Variants in TRAPPC9 observed in about 807,000 individuals in gnomAD.
TRAPPC9 encodes the protein IKK2 binding protein.
In TRAPPC9, 83 loss-of-function variants were observed where a neutral mutation model predicts 124.0. The ratio of observed to expected loss-of-function variants is 0.67; its 90% CI spans 0.56 to 0.80. TRAPPC9 has a LOEUF of 0.80. Ranked by LOEUF, TRAPPC9 falls within the 30% of genes least tolerant of loss-of-function variation. The probability of loss-of-function intolerance (pLI) is 0.00; values close to 1 mark genes in which losing one functional copy is unlikely to be tolerated. For missense variants in TRAPPC9, 1,302 were observed against 1,508.3 expected (o/e 0.86, Z 2.27); for synonymous variants, 638 against 617.5 (o/e 1.03, Z -0.49).
intron 17 of TRAPPC9, among the ~76,000 whole-genome samples, chr8:140,088,962 T>C (rs1844389364): frequency 6.6e-6 from 1 of 152,214 alleles, no homozygotes; most frequent in Non-Finnish European, 1.5e-5. Flanking sequence ...TTCTCTAACA[T>C]TAATAACGTC....
chr8:139,924,708 C>T (rs1212582503), intron 19 of TRAPPC9, among the ~76,000 whole-genome samples: 4 of 152,252 alleles, frequency 2.6e-5, no homozygotes, highest in Non-Finnish European at 5.9e-5. Context: ...ACCCATCAGT[C>T]TGTGCTCACA....
intron 21 of TRAPPC9, among the ~76,000 whole-genome samples, chr8:139,855,113 C>A (rs1288726658): frequency 6.6e-6 from 1 of 152,184 alleles, no homozygotes; most frequent in East Asian, 1.9e-4. Context: ...TCCCTGGAAG[C>A]CAATCGGGCC....
At chr8:140,375,246 C>T (rs918724073) in intron 7 of TRAPPC9, among the ~76,000 whole-genome samples, 6 of 152,312 alleles carry the variant, frequency 3.9e-5, no homozygotes, top group Admixed American at 3.9e-4. Context: ...TTAATCAGCA[C>T]ATCTTTGTTC....
At chr8:140,334,277 T>A (rs74870034) in intron 9 of TRAPPC9, among the ~76,000 whole-genome samples, 3,455 of 152,268 alleles carry the variant, frequency 0.023, 136 homozygotes, top group African/African-American at 0.078. Context: ...CAGCAAAATC[T>A]CGTAATTCCT....
chr8:140,345,932 G>T (rs2067336752), intron 9 of TRAPPC9, among the ~76,000 whole-genome samples: 1 of 152,198 alleles, frequency 6.6e-6, no homozygotes, highest in African/African-American at 2.4e-5. Flanking sequence ...TGGCCACCGT[G>T]GACATCCGGG....
At chr8:139,975,605 A>C (rs1160408616) in intron 19 of TRAPPC9, among the ~76,000 whole-genome samples, 3 of 152,078 alleles carry the variant, frequency 2.0e-5, no homozygotes, top group Non-Finnish European at 4.4e-5. Context: ...TATAAAGATC[A>C]ATTTCCCTCA....
intron 9 of TRAPPC9, among the ~76,000 whole-genome samples, chr8:140,336,910 G>GTAA (rs1554670086): frequency 1.3e-5 from 2 of 151,566 alleles, no homozygotes; most frequent in East Asian, 1.9e-4. Flanking sequence ...CAGGATATGG[G>GTAA]GTAAGACAAT....
chr8:139,896,159 T>G (rs1230268898), intron 20 of TRAPPC9, among the ~76,000 whole-genome samples: 1 of 152,216 alleles, frequency 6.6e-6, no homozygotes, highest in Non-Finnish European at 1.5e-5. Context: ...CCAAACAGTC[T>G]TGCATCTCAG....
chr8:140,049,156 A>G (rs1439493089), intron 17 of TRAPPC9, among the ~76,000 whole-genome samples: 1 of 152,190 alleles, frequency 6.6e-6, no homozygotes, highest in East Asian at 1.9e-4. Context: ...ATATGGAAAC[A>G]GAAACTCATA....
At chr8:140,049,763 C>A (rs910718116) in intron 17 of TRAPPC9, among the ~76,000 whole-genome samples, 2 of 152,200 alleles carry the variant, frequency 1.3e-5, no homozygotes, top group African/African-American at 4.8e-5. Flanking sequence ...CTGTATCCCA[C>A]AGGGCAGGCA....
chr8:140,403,580 T>C (rs2069357328), intron 6 of TRAPPC9, among the ~76,000 whole-genome samples: 2 of 151,968 alleles, frequency 1.3e-5, no homozygotes, highest in South Asian at 4.1e-4. Flanking sequence ...TAATAGCTAG[T>C]GTTTGTTTAT....
chr8:140,219,239 A>C (rs1179398802), intron 17 of TRAPPC9, among the ~76,000 whole-genome samples: 9 of 152,226 alleles, frequency 5.9e-5, no homozygotes, highest in Admixed American at 5.9e-4. Context: ...CTCGGCGATC[A>C]TCGCGAGGGC....
intron 21 of TRAPPC9, among the ~76,000 whole-genome samples, chr8:139,841,802 A>G (rs1826749547): frequency 6.6e-6 from 1 of 152,220 alleles, no homozygotes; most frequent in African/African-American, 2.4e-5. Context: ...AAAGCACCCC[A>G]AGGCCAAGTG....
At chr8:140,155,108 G>A (rs947759583) in intron 17 of TRAPPC9, among the ~76,000 whole-genome samples, 3 of 152,190 alleles carry the variant, frequency 2.0e-5, no homozygotes, top group Non-Finnish European at 4.4e-5. Context: ...CGTATTCAAG[G>A]GATGGGTGGA....
chr8:140,044,273 CAA>C (rs1224548746), intron 17 of TRAPPC9, among the ~76,000 whole-genome samples: 2 of 98,318 alleles, frequency 2.0e-5, no homozygotes. Context: ...CAACAACGAC[CAA>C]AAAAAAAAAA....
chr8:139,786,334 T>C (rs1443078024), intron 21 of TRAPPC9, among the ~76,000 whole-genome samples: 1 of 152,092 alleles, frequency 6.6e-6, no homozygotes, highest in East Asian at 1.9e-4. Flanking sequence ...AGTAGGGAGA[T>C]GCAAATCAAA....
intron 8 of TRAPPC9, among the ~76,000 whole-genome samples, chr8:140,361,186 G>T (rs2067943093): frequency 6.6e-6 from 1 of 152,210 alleles, no homozygotes; most frequent in Non-Finnish European, 1.5e-5. Context: ...CGCACTGAAA[G>T]TCCGTAATAG....
intron 10 of TRAPPC9, among the ~76,000 whole-genome samples, chr8:140,303,371 A>C (rs1292868115): frequency 1.3e-5 from 2 of 152,232 alleles, no homozygotes; most frequent in Non-Finnish European, 2.9e-5. Flanking sequence ...CACTTCCTTA[A>C]TAATAATCCA....
chr8:140,034,981 T>C (rs1840783689), intron 17 of TRAPPC9, among the ~76,000 whole-genome samples: 1 of 152,238 alleles, frequency 6.6e-6, no homozygotes, highest in South Asian at 2.1e-4. Context: ...TGCCGCGCCA[T>C]GAGGCTGCCC....
Sources: allele counts gnomAD v4.1 joint callset (sites outside exome capture counted in the v4.1 genomes callset), GRCh38; gene constraint gnomAD v4.1.1; transcripts MANE v1.5; gene names NCBI Gene and HGNC (gene_info 2026-07-23, HGNC 2026-07-21).